Variants in NT5C2 observed in about 807,000 individuals in gnomAD.
The protein encoded by NT5C2 is 5'-nucleotidase, cytosolic II.
In NT5C2, 58 loss-of-function variants were observed where a neutral mutation model predicts 76.1. The ratio of observed to expected loss-of-function variants is 0.76; its 90% CI spans 0.62 to 0.95. The LOEUF (loss-of-function observed/expected upper bound fraction) is 0.95, where lower values mean the gene tolerates loss of function less well. Ranked by LOEUF, NT5C2 falls within the 40% of genes least tolerant of loss-of-function variation. The pLI, the probability that NT5C2 is intolerant of heterozygous loss-of-function variation, is 0.00. For synonymous variants in NT5C2, 229 were observed against 237.4 expected, an observed-to-expected ratio of 0.96 and a Z score of 0.32; for missense variants, 478 against 690.3, an observed-to-expected ratio of 0.69 and a Z score of 3.45.
At chr10:103,148,013 T>C (rs1371150896) in intron 3 of NT5C2, among the ~76,000 whole-genome samples, 4 of 152,076 alleles carry the variant, frequency 2.6e-5, no homozygotes, top group Non-Finnish European at 4.4e-5. Context: ...AAAAAAGTAA[T>C]AGGAAGACCT....
At chr10:103,180,869 ATAAAG>A (rs1022232352) in intron 2 of NT5C2, among the ~76,000 whole-genome samples, 3 of 152,254 alleles carry the variant, frequency 2.0e-5, no homozygotes, top group Admixed American at 1.3e-4. Flanking sequence ...ATATAAAGGA[ATAAAG>A]TATTTACATG....
chr10:103,115,147 C>A (rs943585315), intron 4 of NT5C2, among the ~76,000 whole-genome samples: 7 of 152,148 alleles, frequency 4.6e-5, no homozygotes, highest in African/African-American at 1.7e-4. Context: ...ACGCCTATAA[C>A]CCCAGCACTT....
rs886246687 is a variant in NT5C2, at chr10:103,092,033, A to G, written c.1160-418T>C. Among the ~76,000 whole-genome samples the G allele has an allele frequency of 2.0e-5, 3 of 152,170 alleles. No homozygotes were observed. The East Asian group carries it at 5.8e-4, about 29-fold the overall frequency. ...ACAGGTCCAGGGCCAAATCAACTAG[A>G]TTTCTAAAACTTCATAGGTAGAAAG... On this transcript the variant is annotated intron_variant, in intron 15 of 18. Transcript: ENST00000404739.
intron 5 of NT5C2, 122 bp from the exon 6 acceptor site, chr10:103,105,923 T>A (rs1389688615): frequency 1.6e-6 from 1 of 607,304 alleles, no homozygotes; most frequent in East Asian, 2.8e-5. Flanking sequence ...ACTCAAAGTA[T>A]GTCCTAATAT....
intron 8 of NT5C2, chr10:103,100,826 G>C: frequency 1.5e-6 from 1 of 662,712 alleles, no homozygotes; most frequent in Non-Finnish European, 2.8e-6. Context: ...AGAAGTGGTG[G>C]CTGCAGCACA....
At chr10:103,116,765 G>A (rs1363323010) in intron 4 of NT5C2, among the ~76,000 whole-genome samples, 3 of 150,564 alleles carry the variant, frequency 2.0e-5, no homozygotes, top group Non-Finnish European at 4.4e-5. Context: ...TTTAAAGATG[G>A]GGTCTCACCA....
chr10:103,133,902 T>C (rs2078706932), intron 4 of NT5C2, among the ~76,000 whole-genome samples: 1 of 152,152 alleles, frequency 6.6e-6, no homozygotes, highest in Admixed American at 6.5e-5. Context: ...GCTGAGTCTT[T>C]ATATATTTTA....
chr10:103,132,240 C>CG (rs1403634975), intron 4 of NT5C2, among the ~76,000 whole-genome samples: 1 of 136,970 alleles, frequency 7.3e-6, no homozygotes, highest in South Asian at 2.3e-4. Flanking sequence ...AACTTCATCT[C>CG]GAAAAAAAAA....
At chr10:103,162,601 T>A (rs2085205745) in intron 3 of NT5C2, among the ~76,000 whole-genome samples, 1 of 152,178 alleles carries the variant, frequency 6.6e-6, no homozygotes, top group Admixed American at 6.5e-5. Context: ...TCATACATTG[T>A]AAGTGGAACT....
chr10:103,170,231 G>T (rs997383756), intron 3 of NT5C2, among the ~76,000 whole-genome samples: 5 of 152,156 alleles, frequency 3.3e-5, no homozygotes, highest in Non-Finnish European at 5.9e-5. Flanking sequence ...GATTGCTTAA[G>T]CCCAGAAGTT....
chr10:103,121,148 T>G (rs2075580832), intron 4 of NT5C2, among the ~76,000 whole-genome samples: 1 of 152,108 alleles, frequency 6.6e-6, no homozygotes, highest in Non-Finnish European at 1.5e-5. Context: ...AGTTATTGCT[T>G]AATGGGTATG....
Position 103,155,228 on chromosome 10 carries a change from T to C in NT5C2, c.102-15749A>G, listed in dbSNP as rs535852723. On this transcript the variant is annotated intron_variant, in intron 3 of 18. Coordinates refer to ENST00000404739, the MANE Select transcript of NT5C2 (RefSeq NM_001351169.2). ...TGAAGTAGTGTGTTAATAGTAGTATTAGAGATACGCACAACAGAGAGGGAC... is the reference window on the plus strand; with the variant it reads ...TGAAGTAGTGTGTTAATAGTAGTATCAGAGATACGCACAACAGAGAGGGAC... 2.0e-5 allele frequency among the ~76,000 whole-genome samples: 3 copies of C among 152,306 alleles called. No individual in the cohort carries two copies. In the East Asian group the frequency reaches 5.8e-4, roughly 29 times the overall value.
intron 4 of NT5C2, among the ~76,000 whole-genome samples, chr10:103,135,366 A>G (rs1357795644): frequency 2.6e-5 from 4 of 152,230 alleles, no homozygotes; most frequent in African/African-American, 9.6e-5. Flanking sequence ...GGTTTTAAAA[A>G]GGGGAATTTC....
In NT5C2 at chr10:103,172,272, A is replaced by G. The variant is rs1217506838; in HGVS notation, c.101+2586T>C. Among the ~76,000 whole-genome samples the G allele has an allele frequency of 2.1e-5, 3 of 141,666 alleles. No homozygotes were observed. The Admixed American group carries it at 2.1e-4, about 10-fold the overall frequency. The allele number at this position is 141,666 out of a possible 152,430, so 92.9% of individuals were successfully genotyped here. A position where few individuals can be genotyped will look rare whatever the true frequency, so the allele number is the denominator to read the frequency against. On this transcript the variant is annotated intron_variant, in intron 3 of 18. Coordinates refer to ENST00000404739, the MANE Select transcript of NT5C2 (RefSeq NM_001351169.2). ...ATTTTTTTTTTTTTTTTTGAGACGG[A>G]GTCTCGCTCTGTCACCCAGGCTGGA... is the stretch of plus-strand genomic sequence containing the variant.
At chr10:103,129,940 G>GCC (rs1450720222) in intron 4 of NT5C2, among the ~76,000 whole-genome samples, 4 of 97,900 alleles carry the variant, frequency 4.1e-5, no homozygotes, top group Non-Finnish European at 9.0e-5. Flanking sequence ...GGGGGGGTCA[G>GCC]CCCCCCCGCC....
chr10:103,106,838 A>C, intron 4 of NT5C2, 132 bp from the exon 5 acceptor site: 1 of 681,868 alleles, frequency 1.5e-6, no homozygotes, highest in Non-Finnish European at 2.7e-6. Context: ...CTTCCCCCTC[A>C]AACTCCATGT....
At chr10:103,169,825 T>A (rs1003019698) in intron 3 of NT5C2, among the ~76,000 whole-genome samples, 10 of 151,428 alleles carry the variant, frequency 6.6e-5, no homozygotes, top group Admixed American at 3.3e-4. Flanking sequence ...TAGAAAAAAA[T>A]TTTTTAAATT....
At chr10:103,141,180 G>A (rs1318146492) in intron 3 of NT5C2, among the ~76,000 whole-genome samples, 1 of 152,156 alleles carries the variant, frequency 6.6e-6, no homozygotes, top group Non-Finnish European at 1.5e-5. Flanking sequence ...TTCAAGGTTG[G>A]GAGCAGTGGC....
intron 3 of NT5C2, among the ~76,000 whole-genome samples, chr10:103,152,368 C>T (rs1424744868): frequency 1.3e-5 from 2 of 152,094 alleles, no homozygotes; most frequent in Non-Finnish European, 2.9e-5. Context: ...ATTACTTATA[C>T]CCCTGGTTGT....
Sources: allele counts gnomAD v4.1 joint callset (sites outside exome capture counted in the v4.1 genomes callset), GRCh38; gene constraint gnomAD v4.1.1; transcripts MANE v1.5; gene names NCBI Gene and HGNC (gene_info 2026-07-23, HGNC 2026-07-21).